The following PHF21A variants were observed in gnomAD, a reference collection of about 807,000 sequenced individuals.
PHF21A encodes BHC80a.
PHF21A carries 11 observed loss-of-function variants against 82.5 expected under a neutral mutation model. The observed-to-expected ratio is 0.13, with a 90% confidence interval of 0.08 to 0.22. The LOEUF is 0.22. PHF21A is among the 10% of genes least tolerant of loss of function. The probability of loss-of-function intolerance (pLI) is 1.00; values close to 1 mark genes in which losing one functional copy is unlikely to be tolerated. For synonymous variants in PHF21A, 297 were observed against 302.8 expected, an observed-to-expected ratio of 0.98 and a Z score of 0.20; for missense variants, 579 against 837.8, an observed-to-expected ratio of 0.69 and a Z score of 3.81.
intron 4 of PHF21A, among the ~76,000 whole-genome samples, chr11:46,079,789 T>G (rs925722003): frequency 7.5e-5 from 10 of 133,406 alleles, no homozygotes; most frequent in African/African-American, 2.8e-4. Context: ...CAATACTGAA[T>G]GGAAAAGATC....
chr11:46,085,952 A>G (rs889545823), intron 3 of PHF21A, among the ~76,000 whole-genome samples: 1 of 152,160 alleles, frequency 6.6e-6, no homozygotes, highest in Non-Finnish European at 1.5e-5. Flanking sequence ...AATAAATTCC[A>G]AAAGTGCAAA....
intron 11 of PHF21A, among the ~76,000 whole-genome samples, chr11:45,951,061 C>G (rs1281567193): frequency 6.6e-6 from 1 of 152,168 alleles, no homozygotes; most frequent in African/African-American, 2.4e-5. Context: ...GAAGATGGAA[C>G]GTTAAGACTC....
At chr11:46,027,887 C>T (rs1592179040) in intron 6 of PHF21A, among the ~76,000 whole-genome samples, 1 of 152,172 alleles carries the variant, frequency 6.6e-6, no homozygotes. Flanking sequence ...CTTATTTGAA[C>T]ATCTCAGAAC....
chr11:46,113,204 G>A (rs571439041), intron 1 of PHF21A, among the ~76,000 whole-genome samples: 1 of 152,304 alleles, frequency 6.6e-6, no homozygotes, highest in East Asian at 1.9e-4. Context: ...ACTGGGACTT[G>A]TAGTAAGTAA....
intron 1 of PHF21A, among the ~76,000 whole-genome samples, chr11:46,108,567 G>GCATATATATA (rs1555199217): frequency 1.6e-5 from 1 of 62,200 alleles, no homozygotes; most frequent in African/African-American, 3.3e-5. Flanking sequence ...GTGTGTGTGT[G>GCATATATATA]TATATATATA....
At chr11:45,953,411 A>AT in intron 11 of PHF21A, 116 bp downstream of exon 11, 1 of 701,594 alleles carries the variant, frequency 1.4e-6, no homozygotes, top group African/African-American at 1.8e-5. Context: ...ATAAAAGTGC[A>AT]TAAGAAAATG....
At chr11:46,059,911 T>G (rs928794831) in intron 6 of PHF21A, among the ~76,000 whole-genome samples, 4 of 152,040 alleles carry the variant, frequency 2.6e-5, no homozygotes, top group Admixed American at 2.0e-4. Flanking sequence ...TATTTATTTT[T>G]GGGGGATTTT....
chr11:45,940,298 C>T (rs1338642683), intron 15 of PHF21A, among the ~76,000 whole-genome samples: 2 of 151,834 alleles, frequency 1.3e-5, no homozygotes, highest in African/African-American at 2.4e-5. Context: ...TGGATTCAAG[C>T]GATTCTCCTG....
intron 16 of PHF21A, among the ~76,000 whole-genome samples, chr11:45,937,229 CTTAT>C (rs2089290119): frequency 6.6e-6 from 1 of 152,090 alleles, no homozygotes; most frequent in African/African-American, 2.4e-5. Context: ...ATTGGGCTTG[CTTAT>C]TTATTATTTA....
intron 4 of PHF21A, among the ~76,000 whole-genome samples, chr11:46,083,824 A>G (rs1434905577): frequency 4.6e-5 from 7 of 152,212 alleles, no homozygotes; most frequent in Admixed American, 3.9e-4. Flanking sequence ...GTTGAGTTAG[A>G]CATGTTGTTA....
chr11:45,992,427 C>A (rs570713041), intron 6 of PHF21A, among the ~76,000 whole-genome samples: 2 of 151,970 alleles, frequency 1.3e-5, no homozygotes, highest in African/African-American at 4.8e-5. Flanking sequence ...GTAGTCCCAG[C>A]TACTCGGGAG....
At chr11:45,962,569 G>A (rs2093162289) in intron 10 of PHF21A, among the ~76,000 whole-genome samples, 1 of 152,044 alleles carries the variant, frequency 6.6e-6, no homozygotes, top group South Asian at 2.1e-4. Flanking sequence ...AAATAACAAT[G>A]ACTGAATTCC....
intron 6 of PHF21A, among the ~76,000 whole-genome samples, chr11:46,075,242 A>C (rs1389444169): frequency 1.3e-5 from 2 of 152,256 alleles, no homozygotes; most frequent in Non-Finnish European, 2.9e-5. Flanking sequence ...AATTTCGAGT[A>C]GATGTAAATT....
Position 45,981,898 on chromosome 11 carries a change from G to T in PHF21A, c.154-1932C>A, listed in dbSNP as rs191317704. On this transcript the variant is annotated intron_variant, in intron 6 of 18. Transcript: ENST00000676320. ...AAAAAAAAAAGTTCTCTTGAGAGTT[G>T]TTTGTTTTTATTTTTTGGTTTGTTT... 7.8e-4 allele frequency among the ~76,000 whole-genome samples: 77 copies of T among 98,698 alleles called. No individual in the cohort carries two copies. In the East Asian group the frequency reaches 0.021, roughly 27 times the overall value. 64.7% of individuals were successfully genotyped at this position (98,698 alleles called of 152,430 possible). A position where few individuals can be genotyped will look rare whatever the true frequency, so the allele number is the denominator to read the frequency against.
At chr11:46,054,225 G>C (rs1459264538) in intron 6 of PHF21A, among the ~76,000 whole-genome samples, 1 of 152,050 alleles carries the variant, frequency 6.6e-6, no homozygotes, top group Non-Finnish European at 1.5e-5. Context: ...TTTTCTAAAA[G>C]GAAAAGCTGA....
At chr11:46,059,954 G>T (rs2096513023) in intron 6 of PHF21A, among the ~76,000 whole-genome samples, 1 of 152,114 alleles carries the variant, frequency 6.6e-6, no homozygotes, top group Non-Finnish European at 1.5e-5. Context: ...ATGTTGGCCA[G>T]CCTGGTCTCA....
At chr11:45,956,630 G>T (rs569320775) in intron 10 of PHF21A, among the ~76,000 whole-genome samples, 1 of 152,094 alleles carries the variant, frequency 6.6e-6, no homozygotes, top group Non-Finnish European at 1.5e-5. Context: ...AAAAACGTAT[G>T]AATGTTTACT....
intron 6 of PHF21A, among the ~76,000 whole-genome samples, chr11:46,009,226 G>A (rs1008030848): frequency 2.0e-5 from 3 of 151,862 alleles, no homozygotes; most frequent in African/African-American, 7.3e-5. Context: ...TGCCCGCCTC[G>A]GTCTCCCAAA....
intron 6 of PHF21A, among the ~76,000 whole-genome samples, chr11:45,992,359 C>T (rs1370486122): frequency 4.0e-5 from 6 of 148,532 alleles, no homozygotes; most frequent in Admixed American, 3.4e-4. Context: ...GGTGAAACCC[C>T]GTCTATACTA....
Sources: allele counts gnomAD v4.1 joint callset (sites outside exome capture counted in the v4.1 genomes callset), GRCh38; gene constraint gnomAD v4.1.1; transcripts MANE v1.5; gene names NCBI Gene and HGNC (gene_info 2026-07-23, HGNC 2026-07-21).